CDK6: variants seen among roughly 807,000 people sequenced by gnomAD.
The protein encoded by CDK6 is cyclin dependent kinase 6.
A neutral mutation model predicts 37.1 loss-of-function variants in CDK6; 6 were observed. The ratio of observed to expected loss-of-function variants is 0.16; its 90% CI spans 0.09 to 0.32. The LOEUF (loss-of-function observed/expected upper bound fraction) is 0.32, where lower values mean the gene tolerates loss of function less well. Ranked by LOEUF, CDK6 falls within the 10% of genes least tolerant of loss-of-function variation. CDK6 has a pLI of 1.00. For missense variants in CDK6, 224 were observed against 418.9 expected, an observed-to-expected ratio of 0.53 and a Z score of 4.06; for synonymous variants, 160 against 161.3, an observed-to-expected ratio of 0.99 and a Z score of 0.06.
chr7:92,797,237 G>A (rs1487700346), intron 2 of CDK6, among the ~76,000 whole-genome samples: 1 of 152,068 alleles, frequency 6.6e-6, no homozygotes. Flanking sequence ...AATCTCATCA[G>A]CTAACTCCCC....
chr7:92,645,167 T>C (rs1585364138), intron 5 of CDK6, among the ~76,000 whole-genome samples: 1 of 152,330 alleles, frequency 6.6e-6, no homozygotes, highest in Non-Finnish European at 1.5e-5. Context: ...GAGTCTATGG[T>C]GTTTTCACTC....
intron 5 of CDK6, among the ~76,000 whole-genome samples, chr7:92,643,940 T>C (rs1796379295): frequency 6.6e-6 from 1 of 152,224 alleles, no homozygotes; most frequent in Non-Finnish European, 1.5e-5. Context: ...GGAATTGTCA[T>C]ATCAGCTTTA....
chr7:92,760,968 G>A (rs568654840), intron 3 of CDK6, among the ~76,000 whole-genome samples: 35 of 151,946 alleles, frequency 2.3e-4, no homozygotes, highest in Middle Eastern at 3.4e-3. Flanking sequence ...GTCTACCAGC[G>A]TTCTGTATAT....
rs1193808189 is a variant in CDK6, at chr7:92,693,854, T to G, written c.538-22319A>C. Among the ~76,000 whole-genome samples the G allele has an allele frequency of 3.9e-5, 6 of 152,166 alleles. No individual in the cohort carries two copies. In the South Asian group the frequency reaches 6.2e-4, roughly 16 times the overall value. On this transcript the variant is annotated intron_variant, in intron 4 of 7. Coordinates refer to ENST00000424848, the MANE Select transcript of CDK6 (RefSeq NM_001145306.2). ...TTTACAGATTGTGAGAAGTTTATAG[T>G]GAAATTGGAGTATGGCAAGTTGATA...
At chr7:92,680,302 C>G (rs1797302784) in intron 4 of CDK6, among the ~76,000 whole-genome samples, 1 of 150,788 alleles carries the variant, frequency 6.6e-6, no homozygotes, top group Non-Finnish European at 1.5e-5. Context: ...CATGGTGGTG[C>G]ATGCCTGTAA....
At position 92,633,085 on chromosome 7, in the gene CDK6, TG is replaced by T. The variant is rs1327410501; in HGVS notation, c.648-10000del. 5.3e-5 allele frequency among the ~76,000 whole-genome samples: 8 copies of T among 152,186 alleles called. 1 individual carries two copies. Among genetic ancestry groups the T allele is most frequent in the Admixed American group, 5.2e-4 (8 of 15,264 alleles). On this transcript the variant is annotated intron_variant, in intron 5 of 7. Transcript: ENST00000424848. The stretch of plus-strand genomic sequence containing the variant: ...CTATGACTGAATAAAACTCAAATCT[TG>T]GTGAAGAAAAGAAATCAAGGACACA...
At chr7:92,698,265 C>A (rs2116655214) in intron 4 of CDK6, among the ~76,000 whole-genome samples, 1 of 152,328 alleles carries the variant, frequency 6.6e-6, no homozygotes, top group East Asian at 1.9e-4. Context: ...CTCCTCCACA[C>A]ACAGTATAAA....
intron 3 of CDK6, among the ~76,000 whole-genome samples, chr7:92,740,730 G>C (rs1346686990): frequency 6.6e-6 from 1 of 152,114 alleles, no homozygotes; most frequent in Non-Finnish European, 1.5e-5. Context: ...CAACTTGTGT[G>C]GCAGGCTGGA....
intron 5 of CDK6, among the ~76,000 whole-genome samples, chr7:92,640,558 G>A (rs59418701): frequency 0.045 from 6,872 of 152,166 alleles, 546 homozygotes; most frequent in African/African-American, 0.16. Flanking sequence ...CCAGCTTTTG[G>A]TCCTGACAGA....
chr7:92,620,833 G>A (rs1031466830), intron 6 of CDK6, among the ~76,000 whole-genome samples: 5 of 152,040 alleles, frequency 3.3e-5, no homozygotes, highest in Non-Finnish European at 5.9e-5. Flanking sequence ...ACTTGAGCTC[G>A]GAAGGCCAAG....
intron 3 of CDK6, among the ~76,000 whole-genome samples, chr7:92,731,518 C>T (rs1356033926): frequency 6.6e-6 from 1 of 152,192 alleles, no homozygotes; most frequent in East Asian, 1.9e-4. Context: ...GTCAGGCACA[C>T]ATCACCTCGA....
chr7:92,717,524 G>GA (rs755183504), intron 4 of CDK6, among the ~76,000 whole-genome samples: 4 of 151,672 alleles, frequency 2.6e-5, no homozygotes, highest in Non-Finnish European at 5.9e-5. Context: ...AGAAAGAAAA[G>GA]AAAAAGAAAG....
chr7:92,636,036 T>C (rs1312603749), intron 5 of CDK6, among the ~76,000 whole-genome samples: 1 of 152,138 alleles, frequency 6.6e-6, no homozygotes, highest in Non-Finnish European at 1.5e-5. Flanking sequence ...AAAAAAGTTA[T>C]AAGAAATATT....
chr7:92,645,199 C>T (rs770509168), intron 5 of CDK6, among the ~76,000 whole-genome samples: 15 of 152,124 alleles, frequency 9.9e-5, no homozygotes, highest in African/African-American at 2.4e-4. Flanking sequence ...GTTTTTAAGC[C>T]GTATTACAGC....
chr7:92,758,292 CTT>C (rs1799364742), intron 3 of CDK6, among the ~76,000 whole-genome samples: 1 of 152,156 alleles, frequency 6.6e-6, no homozygotes, highest in Admixed American at 6.6e-5. Context: ...TTTAATCCCT[CTT>C]GAGTTGATTT....
chr7:92,690,430 G>C (rs571542292), intron 4 of CDK6, among the ~76,000 whole-genome samples: 14 of 152,258 alleles, frequency 9.2e-5, no homozygotes, highest in Non-Finnish European at 2.1e-4. Context: ...GACAGTTGTA[G>C]GTGTGCGGTT....
chr7:92,794,520 G>A (rs939381751), intron 2 of CDK6, among the ~76,000 whole-genome samples: 2 of 152,086 alleles, frequency 1.3e-5, no homozygotes, highest in African/African-American at 4.8e-5. Context: ...GAATGTGCGT[G>A]ATTTTTGTGC....
At chr7:92,671,887 T>C (rs1365371828) in intron 4 of CDK6, among the ~76,000 whole-genome samples, 1 of 151,564 alleles carries the variant, frequency 6.6e-6, no homozygotes, top group Admixed American at 6.6e-5. Flanking sequence ...AAACAGGTGA[T>C]GGCAACAATT....
intron 4 of CDK6, among the ~76,000 whole-genome samples, chr7:92,674,087 CTT>C (rs35748209): frequency 2.2e-4 from 31 of 140,406 alleles, no homozygotes; most frequent in Admixed American, 2.1e-4. Flanking sequence ...CCCCTTTCTT[CTT>C]TTTTTTTTTT....
Sources: allele counts gnomAD v4.1 joint callset (sites outside exome capture counted in the v4.1 genomes callset), GRCh38; gene constraint gnomAD v4.1.1; transcripts MANE v1.5; gene names NCBI Gene and HGNC (gene_info 2026-07-23, HGNC 2026-07-21).